Variants in SETBP1 observed in about 807,000 individuals in gnomAD.
The protein encoded by SETBP1 is SET binding protein 1.
SETBP1 carries 9 observed loss-of-function variants against 101.0 expected under a neutral mutation model. The ratio of observed to expected loss-of-function variants is 0.09; its 90% CI spans 0.05 to 0.16. SETBP1 has a LOEUF of 0.16. Ranked by LOEUF, SETBP1 falls within the 10% of genes least tolerant of loss-of-function variation. SETBP1 has a pLI of 1.00. For missense variants in SETBP1, 1,858 were observed against 2,033.8 expected (o/e 0.91, Z 1.66); for synonymous variants, 818 against 788.5 (o/e 1.04, Z -0.63).
intron 2 of SETBP1, among the ~76,000 whole-genome samples, chr18:44,744,511 G>A (rs575161823): frequency 2.8e-4 from 43 of 152,242 alleles, no homozygotes; most frequent in Non-Finnish European, 5.7e-4. Flanking sequence ...ACGCGCCCAA[G>A]AGCCAGTGGG....
chr18:44,970,906 G>T (rs1296881880), intron 4 of SETBP1, among the ~76,000 whole-genome samples: 1 of 151,622 alleles, frequency 6.6e-6, no homozygotes, highest in African/African-American at 2.4e-5. Context: ...TAGGGTACAT[G>T]TGCACAACGT....
intron 2 of SETBP1, among the ~76,000 whole-genome samples, chr18:44,787,860 C>CAAAAAAAAAA (rs11399627): frequency 0.015 from 139 of 9,160 alleles, 29 homozygotes; most frequent in African/African-American, 0.053. Flanking sequence ...GAGTCCGTCT[C>CAAAAAAAAAA]AAAAAAAAAA....
chr18:44,748,362 G>C lies in SETBP1; in HGVS notation c.486+46530G>C, dbSNP rs141650284. ...TGTTTAGACATGTAGGCCTAGAGAGGCAAAGAAAATAAGGAGAGCAAACAA... is the reference window on the plus strand; with the variant it reads ...TGTTTAGACATGTAGGCCTAGAGAGCCAAAGAAAATAAGGAGAGCAAACAA... On this transcript the variant is annotated intron_variant, in intron 2 of 5. Transcript: ENST00000649279. Among the ~76,000 whole-genome samples the C allele has an allele frequency of 5.9e-3, 904 of 152,330 alleles. 5 individuals carry two copies. The highest frequency in any genetic ancestry group is 9.7e-3 in the Non-Finnish European group (660 of 68,028).
intron 2 of SETBP1, among the ~76,000 whole-genome samples, chr18:44,814,516 C>T (rs965134075): frequency 5.3e-5 from 8 of 152,282 alleles, no homozygotes; most frequent in African/African-American, 1.2e-4. Flanking sequence ...GTCTAAATGA[C>T]GGCAAATTTT....
intron 2 of SETBP1, among the ~76,000 whole-genome samples, chr18:44,806,309 T>C (rs2071734217): frequency 6.6e-6 from 1 of 152,196 alleles, no homozygotes; most frequent in South Asian, 2.1e-4. Flanking sequence ...CTTCTGCCAC[T>C]GGCATATTTT....
intron 1 of SETBP1, among the ~76,000 whole-genome samples, chr18:44,682,153 C>T (rs1156667676): frequency 1.3e-5 from 2 of 152,232 alleles, no homozygotes; most frequent in Non-Finnish European, 2.9e-5. Context: ...CCAAAACTAT[C>T]TGCCGATTTG....
intron 2 of SETBP1, among the ~76,000 whole-genome samples, chr18:44,842,912 T>C (rs567841963): frequency 2.0e-3 from 298 of 152,314 alleles, no homozygotes; most frequent in Non-Finnish European, 3.2e-3. Context: ...GATGCTGAGG[T>C]CATCAGCCAT....
intron 3 of SETBP1, among the ~76,000 whole-genome samples, chr18:44,947,357 A>T (rs1307853660): frequency 6.6e-6 from 1 of 152,136 alleles, no homozygotes; most frequent in Non-Finnish European, 1.5e-5. Flanking sequence ...ATCCTGGCCT[A>T]GCGTCACCAT....
Position 44,949,473 on chromosome 18 carries a change from C to T in SETBP1, c.541-408C>T, listed in dbSNP as rs921145505. On this transcript the variant is annotated intron_variant, in intron 3 of 5. Transcript: ENST00000649279. ...ATTTCAGATTCTCTCCTGGGATTTG[C>T]CATCTTTGGCAGGACTCTCCATTGT... 5.9e-5 allele frequency among the ~76,000 whole-genome samples: 9 copies of T among 152,192 alleles called. No homozygotes were observed. The South Asian group carries it at 1.0e-3, about 18-fold the overall frequency.
intron 1 of SETBP1, among the ~76,000 whole-genome samples, chr18:44,682,581 G>A (rs531800495): frequency 5.3e-5 from 8 of 152,192 alleles, no homozygotes; most frequent in Non-Finnish European, 8.8e-5. Context: ...TCAGAGTGAA[G>A]GTGAGGTGCT....
intron 3 of SETBP1, chr18:44,877,415 C>A: frequency 1.0e-6 from 1 of 974,734 alleles, no homozygotes; most frequent in African/African-American, 1.7e-5. Flanking sequence ...AGGATTTGGA[C>A]TCCTTATTTG....
chr18:44,806,955 C>T (rs968709799), intron 2 of SETBP1, among the ~76,000 whole-genome samples: 1 of 151,974 alleles, frequency 6.6e-6, no homozygotes, highest in Admixed American at 6.6e-5. Flanking sequence ...ATTTACCCAG[C>T]CTGAACCAGC....
chr18:44,768,868 C>T (rs183798274), intron 2 of SETBP1, among the ~76,000 whole-genome samples: 5 of 152,336 alleles, frequency 3.3e-5, no homozygotes, highest in Admixed American at 2.6e-4. Flanking sequence ...AGTTGTTTTC[C>T]GTATACCCAC....
intron 4 of SETBP1, among the ~76,000 whole-genome samples, chr18:45,036,906 A>C (rs907074695): frequency 6.6e-6 from 1 of 152,216 alleles, no homozygotes; most frequent in Middle Eastern, 3.2e-3. Context: ...GGCTACCTGG[A>C]AACTTCCAGC....
chr18:44,903,140 A>G (rs896130076), intron 3 of SETBP1, among the ~76,000 whole-genome samples: 5 of 152,104 alleles, frequency 3.3e-5, no homozygotes, highest in African/African-American at 1.2e-4. Flanking sequence ...TTTCACACAC[A>G]CACAAAATAA....
At chr18:45,032,834 T>C (rs2073324863) in intron 4 of SETBP1, among the ~76,000 whole-genome samples, 2 of 152,200 alleles carry the variant, frequency 1.3e-5, no homozygotes, top group Non-Finnish European at 2.9e-5. Context: ...ATATGAATAG[T>C]AGCAGAGGCT....
chr18:44,707,142 C>G (rs2144239362), intron 2 of SETBP1, among the ~76,000 whole-genome samples: 1 of 152,262 alleles, frequency 6.6e-6, no homozygotes, highest in South Asian at 2.1e-4. Context: ...TCCTATGAAG[C>G]CAATTCTATT....
chr18:44,896,588 G>C (rs138205877), intron 3 of SETBP1, among the ~76,000 whole-genome samples: 442 of 152,224 alleles, frequency 2.9e-3, no homozygotes, highest in Admixed American at 7.9e-3. Flanking sequence ...TGCCTCCTGG[G>C]TTCAAGCAAT....
intron 2 of SETBP1, among the ~76,000 whole-genome samples, chr18:44,828,689 C>T (rs1002382672): frequency 3.9e-5 from 6 of 152,074 alleles, no homozygotes; most frequent in South Asian, 2.1e-4. Context: ...TCCCTTCCAC[C>T]CAAATGTAGA....
Sources: gnomAD v4.1 joint callset for allele counts (sites outside exome capture counted in the v4.1 genomes callset) on GRCh38, gnomAD v4.1.1 for gene constraint, MANE v1.5 for transcripts, NCBI Gene and HGNC (gene_info 2026-07-23, HGNC 2026-07-21) for gene names.